Variants in FAM184B observed in about 807,000 individuals in gnomAD.
FAM184B encodes protein FAM184B.
In FAM184B, 111 loss-of-function variants were observed where a neutral mutation model predicts 135.9. The observed-to-expected ratio is 0.82, with a 90% CI of 0.70 to 0.96. The LOEUF is 0.96. Ranked by LOEUF, FAM184B falls within the 40% of genes least tolerant of loss-of-function variation. The pLI, the probability that FAM184B is intolerant of heterozygous loss-of-function variation, is 0.00. For missense variants in FAM184B, 1,375 were observed against 1,323.9 expected (o/e 1.04, Z -0.60); for synonymous variants, 552 against 524.8 (o/e 1.05, Z -0.71).
At chr4:17,635,145 G>C in intron 15 of FAM184B, 32 bp from the exon 16 acceptor site, 1 of 1,502,008 alleles carries the variant, frequency 6.7e-7, no homozygotes, top group Non-Finnish European at 9.1e-7. Flanking sequence ...GTCTAAATGA[G>C]CCTAACCACA....
At chr4:17,771,305 T>G (rs1354615245) in intron 1 of FAM184B, among the ~76,000 whole-genome samples, 1 of 151,968 alleles carries the variant, frequency 6.6e-6, no homozygotes, top group Non-Finnish European at 1.5e-5. Context: ...CAGGGGAGTT[T>G]TGGGGGCACT....
At position 17,781,093 on chromosome 4, in the gene FAM184B, C is replaced by A; in HGVS notation, c.141+66G>T. The A allele has an allele frequency of 6.8e-7, 1 of 1,466,160 alleles. No homozygotes were observed. Among genetic ancestry groups the A allele is most frequent in the Non-Finnish European group, 9.0e-7 (1 of 1,105,370 alleles). 90.8% of individuals were successfully genotyped at this position (1,466,160 alleles called of 1,614,324 possible). On this transcript the variant is annotated intron_variant, in intron 1 of 17. Transcript: ENST00000265018. This position sits in a 1 kb window ranked among gnomAD's most constrained non-coding sequence, Gnocchi z 6.5. Reference sequence around the variant, plus strand: ...GGCCCGGGCCTCCCGGGAGGCGCATCCGCACTGACTCCCGGCTCGGGCGCC... The same window carrying A: ...GGCCCGGGCCTCCCGGGAGGCGCATACGCACTGACTCCCGGCTCGGGCGCC...
At chr4:17,657,007 G>T (rs1181459739) in intron 10 of FAM184B, among the ~76,000 whole-genome samples, 1 of 151,896 alleles carries the variant, frequency 6.6e-6, no homozygotes, top group Non-Finnish European at 1.5e-5. Flanking sequence ...CTTTTACATA[G>T]TATACAATAT....
chr4:17,712,175 A>T (rs1717291072), intron 1 of FAM184B, among the ~76,000 whole-genome samples: 1 of 152,226 alleles, frequency 6.6e-6, no homozygotes, highest in Non-Finnish European at 1.5e-5. Flanking sequence ...AAGAGAAGAC[A>T]AGGTATTTTC....
intron 7 of FAM184B, among the ~76,000 whole-genome samples, chr4:17,674,275 A>C (rs1270243039): frequency 6.6e-6 from 1 of 152,168 alleles, no homozygotes; most frequent in Non-Finnish European, 1.5e-5. Context: ...TATTGTGATA[A>C]AGCAAAGACA....
chr4:17,679,372 C>A (rs933580444), intron 7 of FAM184B, among the ~76,000 whole-genome samples: 2 of 152,074 alleles, frequency 1.3e-5, no homozygotes, highest in Non-Finnish European at 2.9e-5. Flanking sequence ...CATGAATAGA[C>A]AATTCTCAAA....
At chr4:17,758,542 G>A (rs1201704657) in intron 1 of FAM184B, among the ~76,000 whole-genome samples, 1 of 152,206 alleles carries the variant, frequency 6.6e-6, no homozygotes, top group African/African-American at 2.4e-5. Context: ...TGTGACAGGT[G>A]TGATTTTTTT....
intron 2 of FAM184B, 91 bp from the exon 3 acceptor site, chr4:17,707,875 G>A (rs528568177): frequency 2.6e-5 from 37 of 1,436,658 alleles, no homozygotes; most frequent in Admixed American, 1.1e-4. Flanking sequence ...CCTGAAAGGC[G>A]GGTATATGCA....
chr4:17,711,306 C>A (rs983287502), intron 1 of FAM184B, among the ~76,000 whole-genome samples: 2 of 151,468 alleles, frequency 1.3e-5, no homozygotes, highest in Non-Finnish European at 2.9e-5. Flanking sequence ...TGGTGAAACC[C>A]CGCCTCTACT....
rs532741498 is a variant in FAM184B, at chr4:17,749,298, C to T, written c.141+31861G>A. 5.9e-5 allele frequency among the ~76,000 whole-genome samples: 9 copies of T among 151,918 alleles called. No individual in the cohort carries two copies. In the East Asian group the frequency reaches 1.4e-3, roughly 23 times the overall value. On this transcript the variant is annotated intron_variant, in intron 1 of 17. Transcript: ENST00000265018. ...CCAGAAAAGATCAGAAACGAAAGAA[C>T]CAGACGGGCACAGTGGCTCACACCT... is the stretch of plus-strand genomic sequence containing the variant.
Position 17,658,477 on chromosome 4 carries a change from T to G in FAM184B, c.1910A>C (p.Glu637Ala), listed in dbSNP as rs1715832325. The change falls in exon 10 of 18, where the codon GAG becomes GCG. Residue 637 changes from glutamate (E) to alanine (A), a missense_variant. By Grantham distance (107) the Glu-to-Ala change is moderately radical. Coordinates refer to ENST00000265018, the MANE Select transcript of FAM184B (RefSeq NM_015688.2). Reference sequence around the variant, plus strand: ...GAGCTCACGCTGCAGCTTCTCCCTCTCCAGGTCCGAGAGCTGCTTGAGTGC... The same window carrying G: ...GAGCTCACGCTGCAGCTTCTCCCTCGCCAGGTCCGAGAGCTGCTTGAGTGC... ...LQALKQLSDL[E>A]REKLQRELQE... 2.6e-6 allele frequency: 4 copies of G among 1,551,424 alleles called. No homozygotes were observed. The highest frequency in any genetic ancestry group is 3.9e-5 in the Admixed American group (2 of 50,966).
intron 7 of FAM184B, among the ~76,000 whole-genome samples, chr4:17,675,460 T>C (rs1448972943): frequency 2.6e-5 from 4 of 152,174 alleles, no homozygotes; most frequent in African/African-American, 9.7e-5. Context: ...TTCACACAAT[T>C]CTTAAGGCCT....
chr4:17,647,559 T>C, intron 12 of FAM184B, 78 bp downstream of exon 12: 1 of 1,473,862 alleles, frequency 6.8e-7, no homozygotes, highest in South Asian at 1.3e-5. Context: ...TCAGAGCCCA[T>C]CCTTTATGGG....
At chr4:17,778,281 GA>G (rs1337712640) in intron 1 of FAM184B, among the ~76,000 whole-genome samples, 1 of 152,164 alleles carries the variant, frequency 6.6e-6, no homozygotes, top group African/African-American at 2.4e-5. Context: ...GAAGACAGTG[GA>G]GTACTATCAT....
Position 17,629,406 on chromosome 4 carries a change from A to C in FAM184B, c.*3126T>G, listed in dbSNP as rs1714859236. 6.6e-6 allele frequency: 1 copy of C among 152,228 alleles called. No individual in the cohort carries two copies. Among genetic ancestry groups the C allele is most frequent in the Admixed American group, 6.5e-5 (1 of 15,280 alleles). The allele number at this position is 152,228 out of a possible 1,614,324, so 9.4% of individuals were successfully genotyped here. ...GATCCTGGAGAAAAATTAACCAAGT[A>C]GCCTCAATCACAAATGTTGGGTTGG... On this transcript the variant is annotated 3_prime_UTR_variant, in exon 18 of 18. Coordinates refer to ENST00000265018, the MANE Select transcript of FAM184B (RefSeq NM_015688.2).
chr4:17,698,436 C>G (rs6449327), intron 5 of FAM184B, among the ~76,000 whole-genome samples: 1 of 152,302 alleles, frequency 6.6e-6, no homozygotes, highest in South Asian at 2.1e-4. Flanking sequence ...GAGCAATCAC[C>G]GAAAATTACC....
chr4:17,694,479 T>C (rs750239520), intron 5 of FAM184B, among the ~76,000 whole-genome samples: 25 of 149,714 alleles, frequency 1.7e-4, no homozygotes, highest in Non-Finnish European at 2.4e-4. Flanking sequence ...GCCGAGATGG[T>C]GCCACTGCAC....
rs61539641 is a variant in FAM184B at position 17,721,383 on chromosome 4, C to CAAAAAAAA, written c.142-11747_142-11740dup. Among the ~76,000 whole-genome samples the CAAAAAAAA allele has an allele frequency of 4.9e-4, 23 of 47,386 alleles. 1 individual carries two copies. Among genetic ancestry groups the CAAAAAAAA allele is most frequent in the African/African-American group, 1.4e-3 (18 of 12,570 alleles). 31.1% of individuals were successfully genotyped at this position (47,386 alleles called of 152,430 possible). On this transcript the variant is annotated intron_variant, in intron 1 of 17. Transcript: ENST00000265018. Reference sequence around the variant, plus strand: ...TGGGCGACAGAGAAAGATTCTGTCTCAAAAAAAAAAAAAAAAAAAAAAATC... The same window carrying CAAAAAAAA: ...TGGGCGACAGAGAAAGATTCTGTCTCAAAAAAAAAAAAAAAAAAAAAAAAAAAAAAATC...
chr4:17,650,397 T>C (rs1377688480), intron 11 of FAM184B, among the ~76,000 whole-genome samples: 2 of 152,198 alleles, frequency 1.3e-5, no homozygotes. Flanking sequence ...CTATGATTTG[T>C]TGTCATCACA....
Sources: allele counts gnomAD v4.1 joint callset (sites outside exome capture counted in the v4.1 genomes callset), GRCh38; gene constraint gnomAD v4.1.1; non-coding constraint Gnocchi (gnomAD v3.1); transcripts MANE v1.5; gene names NCBI Gene and HGNC (gene_info 2026-07-23, HGNC 2026-07-21).